The following ITM2C variants were observed in gnomAD, a reference collection of about 807,000 sequenced individuals.
ITM2C encodes the protein integral membrane protein 2C.
In ITM2C, 20 loss-of-function variants were observed where a neutral mutation model predicts 30.0. The ratio of observed to expected loss-of-function variants is 0.67; its 90% CI spans 0.47 to 0.97. The LOEUF (loss-of-function observed/expected upper bound fraction) is 0.97, where lower values mean the gene tolerates loss of function less well. ITM2C is among the 50% of genes least tolerant of loss of function. ITM2C has a pLI of 0.00. For synonymous variants in ITM2C, 167 were observed against 156.4 expected, an observed-to-expected ratio of 1.07 and a Z score of -0.51; for missense variants, 366 against 371.9, an observed-to-expected ratio of 0.98 and a Z score of 0.13.
chr2:230,869,110 C>T (rs997179288), intron 1 of ITM2C, among the ~76,000 whole-genome samples: 1 of 152,226 alleles, frequency 6.6e-6, no homozygotes, highest in Non-Finnish European at 1.5e-5. Flanking sequence ...ACAACCTGGC[C>T]AGCCCCTCTG....
chr2:230,873,696 A>G, intron 2 of ITM2C, 139 bp downstream of exon 2: 1 of 790,942 alleles, frequency 1.3e-6, no homozygotes, highest in Non-Finnish European at 1.9e-6. Context: ...GCCAGCCCAC[A>G]AGACTGGGGT....
chr2:230,873,392 A>G (rs753742079), intron 1 of ITM2C, 25 bp from the exon 2 acceptor site: 1 of 1,515,054 alleles, frequency 6.6e-7, no homozygotes, highest in South Asian at 1.3e-5. Flanking sequence ...CCTGGCCCCC[A>G]CTGACCCAGC....
At chr2:230,866,319 C>G (rs1455538784) in intron 1 of ITM2C, among the ~76,000 whole-genome samples, 1 of 152,216 alleles carries the variant, frequency 6.6e-6, no homozygotes, top group Non-Finnish European at 1.5e-5. Context: ...TTCCTGAACG[C>G]CTAGCCCCCT....
rs1489530532 is a variant in ITM2C at position 230,875,633 on chromosome 2, ACTT to A, written c.280_282del (p.Phe94del). ...CGCCTTGCTCAGCTGGCCCGAGATAACTTCTTCCGCTGTGGTGTGCTGTATGAG... is the reference window on the plus strand; with the variant it reads ...CGCCTTGCTCAGCTGGCCCGAGATAACTTCCGCTGTGGTGTGCTGTATGAG... On this transcript the variant is annotated inframe_deletion, in exon 3 of 6. Transcript: ENST00000326427. The A allele has an allele frequency of 4.4e-6, 7 of 1,604,086 alleles. No individual in the cohort carries two copies. In the African/African-American group the frequency reaches 6.7e-5, roughly 15 times the overall value.
In ITM2C at chr2:230,875,712, G is replaced by A. The variant is rs141418219; in HGVS notation, c.354G>A (p.Val118=). 1.5e-4 allele frequency: 247 copies of A among 1,613,918 alleles called. 1 individual carries two copies. In the African/African-American group the frequency reaches 2.3e-3, roughly 15 times the overall value. Residue 118 remains valine, a synonymous_variant, in exon 3 of 6, where the codon GTG becomes GTA. Transcript: ENST00000326427. ...VRTQMELEED[V]KIYLDENYER... is the part of the protein sequence containing the mutation. ...CTCAGATGGAGCTGGAAGAGGATGT[G>A]AAAATCTACCTCGACGAGAACTACG...
Position 230,877,385 on chromosome 2 carries a change from C to A in ITM2C, c.562-15C>A. On this transcript the variant is annotated splice_polypyrimidine_tract_variant and intron_variant, in intron 4 of 5. Transcript: ENST00000326427. The surrounding 1 kb of genome is among the most constrained non-coding windows in gnomAD (Gnocchi z 4.8). ...TGAGGGGCCGACTCACTGTGGCGGC[C>A]ACCTTGTTTTGCAGAGGGGGACCTA... is the stretch of plus-strand genomic sequence containing the variant. 1 of 1,612,162 alleles carries A rather than the reference C, an allele frequency of 6.2e-7. No homozygotes were observed.
Position 230,865,415 on chromosome 2 carries a change from A to C in ITM2C, c.120+270A>C. 1.2e-5 allele frequency: 4 copies of C among 336,442 alleles called. No individual in the cohort carries two copies. Among genetic ancestry groups the C allele is most frequent in the East Asian group, 4.6e-5 (1 of 21,580 alleles). 20.8% of individuals were successfully genotyped at this position (336,442 alleles called of 1,614,324 possible). ...GAGAAGTGCTCGAGGTCTCTTCCAA[A>C]AGTGGGGGCCCCCTCGCCGCCTTAT... On this transcript the variant is annotated intron_variant, in intron 1 of 5. Transcript: ENST00000326427. The surrounding 1 kb of genome is among the most constrained non-coding windows in gnomAD (Gnocchi z 6.8).
At chr2:230,871,142 A>G (rs918536647) in intron 1 of ITM2C, among the ~76,000 whole-genome samples, 8 of 152,208 alleles carry the variant, frequency 5.3e-5, no homozygotes, top group African/African-American at 1.7e-4. Flanking sequence ...TGCATGGGAG[A>G]CCCGAGAAGG....
chr2:230,867,666 T>A (rs921404703), intron 1 of ITM2C, among the ~76,000 whole-genome samples: 8 of 48,660 alleles, frequency 1.6e-4, no homozygotes, highest in African/African-American at 7.1e-4. Flanking sequence ...TTATTTTATT[T>A]TATTTTTTTT....
chr2:230,872,396 C>T (rs975569107), intron 1 of ITM2C, among the ~76,000 whole-genome samples: 1 of 152,166 alleles, frequency 6.6e-6, no homozygotes, highest in Non-Finnish European at 1.5e-5. Context: ...TGACCAAGCT[C>T]ACCTGGCTGG....
chr2:230,871,981 A>G (rs1409765883), intron 1 of ITM2C, among the ~76,000 whole-genome samples: 1 of 152,226 alleles, frequency 6.6e-6, no homozygotes, highest in African/African-American at 2.4e-5. Context: ...GTCCTGAGTC[A>G]CTTAGGCCTG....
In ITM2C at chr2:230,865,475, A is replaced by C. The variant is rs1697003613; in HGVS notation, c.120+330A>C. 1 of 223,270 alleles carries C rather than the reference A, an allele frequency of 4.5e-6. No homozygotes were observed. The highest frequency in any genetic ancestry group is 8.7e-6 in the Non-Finnish European group (1 of 115,036). 13.8% of individuals were successfully genotyped at this position (223,270 alleles called of 1,614,324 possible). On this transcript the variant is annotated intron_variant, in intron 1 of 5. Coordinates refer to ENST00000326427, the MANE Select transcript of ITM2C (RefSeq NM_030926.6). The surrounding 1 kb of genome is among the most constrained non-coding windows in gnomAD (Gnocchi z 6.8). ...GGGCTGGTCCGAAGAAGTTCGAGGA[A>C]TGTTGGTGGGGGGGTACGCGTCTGG... is the stretch of plus-strand genomic sequence containing the variant.
intron 1 of ITM2C, among the ~76,000 whole-genome samples, chr2:230,869,276 C>T (rs1697106225): frequency 6.6e-6 from 1 of 152,182 alleles, no homozygotes; most frequent in Non-Finnish European, 1.5e-5. Context: ...ACAGATGCTG[C>T]CCGTGGGGCC....
chr2:230,874,276 G>A (rs533763070), intron 2 of ITM2C, among the ~76,000 whole-genome samples: 6 of 152,292 alleles, frequency 3.9e-5, no homozygotes, highest in Non-Finnish European at 8.8e-5. Context: ...TTCCACGATG[G>A]AAATTGCTGA....
chr2:230,871,895 G>A (rs2164869), intron 1 of ITM2C, among the ~76,000 whole-genome samples: 24,242 of 152,320 alleles, frequency 0.16, 2,094 homozygotes, highest in Non-Finnish European at 0.2. Flanking sequence ...CTCTAAAAGG[G>A]TGGGAGGTGA....
Position 230,877,558 on chromosome 2 carries a change from G to C in ITM2C, c.712+8G>C. On this transcript the variant is annotated splice_region_variant and intron_variant, in intron 5 of 5. Coordinates refer to ENST00000326427, the MANE Select transcript of ITM2C (RefSeq NM_030926.6). This position sits in a 1 kb window ranked among gnomAD's most constrained non-coding sequence, Gnocchi z 4.8. The stretch of plus-strand genomic sequence containing the variant: ...GCCGGGCAACGCGGAGGCGTGAGTG[G>C]CTGGCTTCACCCACAGTAGCCCCTG... 6.2e-7 allele frequency: 1 copy of C among 1,612,908 alleles called. No homozygotes were observed. Among genetic ancestry groups the C allele is most frequent in the Non-Finnish European group, 8.5e-7 (1 of 1,179,962 alleles).
chr2:230,866,959 G>A (rs963642287), intron 1 of ITM2C, among the ~76,000 whole-genome samples: 1 of 152,154 alleles, frequency 6.6e-6, no homozygotes, highest in Non-Finnish European at 1.5e-5. Context: ...TGCATCTCGG[G>A]GCATAACTGA....
In ITM2C at chr2:230,875,640, C is replaced by T. The variant is rs1697273233; in HGVS notation, c.282C>T (p.Phe94=). 6.2e-7 allele frequency: 1 copy of T among 1,607,222 alleles called. No homozygotes were observed. The highest frequency in any genetic ancestry group is 8.5e-7 in the Non-Finnish European group (1 of 1,176,586). Residue 94 remains phenylalanine (F), a synonymous_variant, in exon 3 of 6, where the codon TTC becomes TTT. Coordinates refer to ENST00000326427, the MANE Select transcript of ITM2C (RefSeq NM_030926.6). ...CTCAGCTGGCCCGAGATAACTTCTT[C>T]CGCTGTGGTGTGCTGTATGAGGACT... is the stretch of plus-strand genomic sequence containing the variant. The part of the protein sequence containing the change: ...FLAQLARDNF[F]RCGVLYEDSL...
intron 2 of ITM2C, among the ~76,000 whole-genome samples, chr2:230,874,815 G>A (rs971839033): frequency 5.9e-5 from 9 of 152,230 alleles, no homozygotes; most frequent in Non-Finnish European, 8.8e-5. Context: ...AGAGTGGGCA[G>A]ACTGGCCCGC....
Sources: allele counts gnomAD v4.1 joint callset (sites outside exome capture counted in the v4.1 genomes callset), GRCh38; gene constraint gnomAD v4.1.1; non-coding constraint Gnocchi (gnomAD v3.1); transcripts MANE v1.5; gene names NCBI Gene and HGNC (gene_info 2026-07-23, HGNC 2026-07-21).